CACNA1A: variants seen among roughly 807,000 people sequenced by gnomAD.
CACNA1A encodes calcium voltage-gated channel subunit alpha1 A.
Under a neutral mutation model 262.4 loss-of-function variants are expected in CACNA1A, and 57 were observed. The ratio of observed to expected loss-of-function variants is 0.22; its 90% CI spans 0.18 to 0.27. The LOEUF (loss-of-function observed/expected upper bound fraction) is 0.27. Ranked by LOEUF, CACNA1A falls within the 10% of genes least tolerant of loss-of-function variation. The probability of loss-of-function intolerance (pLI) is 1.00; values close to 1 mark genes in which losing one functional copy is unlikely to be tolerated. For synonymous variants in CACNA1A, 1,431 were observed against 1,419.3 expected, an observed-to-expected ratio of 1.01 and a Z score of -0.18; for missense variants, 2,526 against 3,562.8, an observed-to-expected ratio of 0.71 and a Z score of 7.41.
intron 1 of CACNA1A, among the ~76,000 whole-genome samples, chr19:13,480,201 G>A (rs960712813): frequency 4.6e-5 from 7 of 152,170 alleles, no homozygotes; most frequent in Admixed American, 6.5e-5. Flanking sequence ...TACACCAAGC[G>A]TGCTTGTCTT....
intron 1 of CACNA1A, among the ~76,000 whole-genome samples, chr19:13,473,842 TTGC>T (rs2145048207): frequency 6.6e-6 from 1 of 151,836 alleles, no homozygotes; most frequent in Non-Finnish European, 1.5e-5. Context: ...GCAGTCCTTC[TTGC>T]ATCTTCCACC....
At chr19:13,500,387 G>A (rs1013902433) in intron 1 of CACNA1A, among the ~76,000 whole-genome samples, 3 of 152,178 alleles carry the variant, frequency 2.0e-5, no homozygotes, top group Admixed American at 1.3e-4. Flanking sequence ...CCCCACCCAA[G>A]AGAACCCCTT....
chr19:13,215,247 G>A (rs2054958671), intron 38 of CACNA1A: 1 of 151,450 alleles, frequency 6.6e-6, no homozygotes, highest in East Asian at 1.9e-4. Context: ...CTAACCTCGG[G>A]TGATCCACAC....
chr19:13,450,560 A>G (rs1219223100), intron 3 of CACNA1A: 1 of 152,150 alleles, frequency 6.6e-6, no homozygotes, highest in Non-Finnish European at 1.5e-5. Flanking sequence ...TCTCAGCTCC[A>G]TGAGGACAGG....
At chr19:13,408,989 T>C (rs1355940581) in intron 3 of CACNA1A, among the ~76,000 whole-genome samples, 3 of 152,236 alleles carry the variant, frequency 2.0e-5, no homozygotes, top group African/African-American at 7.2e-5. Context: ...ACCGACTTCA[T>C]GCTGACTGTT....
intron 3 of CACNA1A, among the ~76,000 whole-genome samples, chr19:13,406,509 A>ATATATATATATATATGTATGTATG (rs1487889235): frequency 9.1e-6 from 1 of 109,658 alleles, no homozygotes; most frequent in Non-Finnish European, 1.9e-5. Context: ...ATATATATAT[A>ATATATATATATATATGTATGTATG]TATGAAGGGA....
chr19:13,428,089 G>A (rs1003634259), intron 3 of CACNA1A, among the ~76,000 whole-genome samples: 3 of 152,082 alleles, frequency 2.0e-5, no homozygotes, highest in African/African-American at 7.2e-5. Flanking sequence ...CACCATGCCT[G>A]GCTAATTTTT....
At position 13,334,255 on chromosome 19, in the gene CACNA1A, T is replaced by A. The variant is rs1229003828; in HGVS notation, c.1198+123A>T. On this transcript the variant is annotated intron_variant, in intron 8 of 46. Transcript: ENST00000360228. ...GTTGATAAAATTTGGGACTACCAATTCAGGTTCTCTTTCTCCTCCCATCAT... is the reference window on the plus strand; with the variant it reads ...GTTGATAAAATTTGGGACTACCAATACAGGTTCTCTTTCTCCTCCCATCAT... The A allele has an allele frequency of 6.4e-6, 4 of 627,944 alleles. No individual in the cohort carries two copies. In the Admixed American group the frequency reaches 1.1e-4, roughly 17 times the overall value. 38.9% of individuals were successfully genotyped at this position (627,944 alleles called of 1,614,324 possible).
At chr19:13,238,468 C>A (rs2055952622) in intron 31 of CACNA1A, among the ~76,000 whole-genome samples, 1 of 152,180 alleles carries the variant, frequency 6.6e-6, no homozygotes, top group Non-Finnish European at 1.5e-5. Flanking sequence ...GCTGCAGCCC[C>A]CACAACACCT....
At chr19:13,445,914 C>A (rs7254385) in intron 3 of CACNA1A, among the ~76,000 whole-genome samples, 22,754 of 152,118 alleles carry the variant, frequency 0.15, 2,345 homozygotes, top group African/African-American at 0.29. Flanking sequence ...GTGGTCCACA[C>A]AAAATGAATC....
chr19:13,264,291 C>T (rs948554759), intron 24 of CACNA1A, among the ~76,000 whole-genome samples: 2 of 152,192 alleles, frequency 1.3e-5, no homozygotes, highest in South Asian at 4.1e-4. Context: ...CTATCCCCAT[C>T]CCCATCCCCA....
chr19:13,425,923 T>C (rs1305351240), intron 3 of CACNA1A, among the ~76,000 whole-genome samples: 3 of 152,160 alleles, frequency 2.0e-5, no homozygotes, highest in Admixed American at 1.3e-4. Context: ...CTGGGTGTGG[T>C]GGCACACGCC....
intron 40 of CACNA1A, among the ~76,000 whole-genome samples, chr19:13,213,543 C>T (rs2054892717): frequency 6.6e-6 from 1 of 152,176 alleles, no homozygotes; most frequent in Non-Finnish European, 1.5e-5. Flanking sequence ...GGCAGGGATT[C>T]TGGCCTATTT....
intron 1 of CACNA1A, among the ~76,000 whole-genome samples, chr19:13,504,677 T>C (rs1211405174): frequency 6.6e-6 from 1 of 152,194 alleles, no homozygotes; most frequent in African/African-American, 2.4e-5. Flanking sequence ...AGAGGGCAGC[T>C]GGTTGGAACT....
At chr19:13,496,310 C>G (rs1442143944) in intron 1 of CACNA1A, among the ~76,000 whole-genome samples, 1 of 152,152 alleles carries the variant, frequency 6.6e-6, no homozygotes, top group Non-Finnish European at 1.5e-5. Context: ...CCTTGTAAGG[C>G]CCTCAGAGAA....
intron 3 of CACNA1A, among the ~76,000 whole-genome samples, chr19:13,430,235 T>C (rs951066175): frequency 1.3e-5 from 2 of 151,040 alleles, no homozygotes; most frequent in Non-Finnish European, 1.5e-5. Context: ...AGACAGAGTT[T>C]CGCTCTTGTG....
intron 30 of CACNA1A, among the ~76,000 whole-genome samples, chr19:13,249,255 C>T (rs1349265059): frequency 6.6e-6 from 1 of 152,198 alleles, no homozygotes; most frequent in Non-Finnish European, 1.5e-5. Flanking sequence ...AGGCATGAGC[C>T]ACCACACCTG....
intron 1 of CACNA1A, among the ~76,000 whole-genome samples, chr19:13,497,412 C>T (rs1257681407): frequency 1.5e-5 from 2 of 135,616 alleles, no homozygotes; most frequent in African/African-American, 2.8e-5. Flanking sequence ...TGCTTGAACC[C>T]GGGAGGCGGA....
chr19:13,351,822 A>AT (rs1291409115), intron 6 of CACNA1A, among the ~76,000 whole-genome samples: 7 of 151,512 alleles, frequency 4.6e-5, no homozygotes, highest in South Asian at 2.1e-4. Context: ...AAAAAAAAAA[A>AT]TTTTTTTAAG....
Sources: allele counts gnomAD v4.1 joint callset (sites outside exome capture counted in the v4.1 genomes callset), GRCh38; gene constraint gnomAD v4.1.1; transcripts MANE v1.5; gene names NCBI Gene and HGNC (gene_info 2026-07-23, HGNC 2026-07-21).